The following HIVEP1 variants were observed in gnomAD, a reference collection of about 807,000 sequenced individuals.
HIVEP1 encodes the protein HIVEP zinc finger 1.
In HIVEP1, 36 loss-of-function variants were observed where a neutral mutation model predicts 180.0. That is an observed-to-expected ratio of 0.20 (90% confidence interval 0.15 to 0.26). The LOEUF (loss-of-function observed/expected upper bound fraction) is 0.26. Among genes scored for constraint, HIVEP1 ranks in the 10% least tolerant of loss-of-function variants. The pLI is 1.00. For synonymous variants in HIVEP1, 1,239 were observed against 1,239.0 expected, an observed-to-expected ratio of 1.00 and a Z score of 0.00; for missense variants, 3,143 against 3,268.7, an observed-to-expected ratio of 0.96 and a Z score of 0.94.
chr6:12,079,293 T>A (rs1365570543), intron 2 of HIVEP1, among the ~76,000 whole-genome samples: 3 of 152,192 alleles, frequency 2.0e-5, no homozygotes, highest in African/African-American at 4.8e-5. Context: ...AGCATTAAAT[T>A]TTCAGCTGGG....
chr6:12,140,869 T>C (rs529491988), intron 7 of HIVEP1, among the ~76,000 whole-genome samples: 1 of 152,166 alleles, frequency 6.6e-6, no homozygotes, highest in East Asian at 1.9e-4. Context: ...TGGGACTATG[T>C]GAAAAAACCA....
At chr6:12,029,356 C>T (rs369047259) in intron 2 of HIVEP1, among the ~76,000 whole-genome samples, 2 of 152,166 alleles carry the variant, frequency 1.3e-5, no homozygotes, top group Admixed American at 1.3e-4. Context: ...TTGTGGACAG[C>T]GTGTTGCCGC....
At chr6:12,190,324 C>T in the HIVEP1 span, among the ~76,000 whole-genome samples, 2 of 152,256 alleles carry the variant, frequency 1.3e-5, no homozygotes, top group Admixed American at 6.5e-5. Flanking sequence ...AGTGGCTTTC[C>T]GTTGAATCCA....
intron 2 of HIVEP1, among the ~76,000 whole-genome samples, chr6:12,022,327 C>A (rs1353875445): frequency 6.6e-6 from 1 of 152,060 alleles, no homozygotes; most frequent in East Asian, 1.9e-4. Context: ...CCTGCCACCG[C>A]ACCCAGCTAA....
chr6:12,201,329 T>C, the HIVEP1 span, among the ~76,000 whole-genome samples: 1 of 151,906 alleles, frequency 6.6e-6, no homozygotes, highest in Non-Finnish European at 1.5e-5. Context: ...ATGCAAAAAT[T>C]AGCTAGATGT....
Position 12,164,360 on chromosome 6 carries a change from C to G in HIVEP1, c.8056C>G (p.Gln2686Glu). The G allele has an allele frequency of 6.2e-7, 1 of 1,614,120 alleles. No individual in the cohort carries two copies. The highest frequency in any genetic ancestry group is 8.5e-7 in the Non-Finnish European group (1 of 1,180,014). ...CCAGCAGACTCTCTCTCCAGACAGA[C>G]AGGTTCCCAGGCCCACAGCACTACC... Reference protein sequence around the residue: ...SGQQTLSPDRQVPRPTALPRR... With the variant: ...SGQQTLSPDREVPRPTALPRR... Residue 2686 changes from glutamine to glutamate, a missense_variant, in exon 9 of 9, where the codon CAG becomes GAG. Transcript: ENST00000379388.
At chr6:12,100,055 C>T (rs1478275946) in intron 3 of HIVEP1, among the ~76,000 whole-genome samples, 1 of 152,182 alleles carries the variant, frequency 6.6e-6, no homozygotes, top group African/African-American at 2.4e-5. Flanking sequence ...GATATCATAA[C>T]ATCTTTGTAA....
At chr6:12,051,740 G>T (rs1770556899) in intron 2 of HIVEP1, among the ~76,000 whole-genome samples, 1 of 151,586 alleles carries the variant, frequency 6.6e-6, no homozygotes, top group Admixed American at 6.6e-5. Flanking sequence ...TTATTAGGTG[G>T]GCTGAAGTTT....
At chr6:12,112,881 T>TC (rs1022758180) in intron 3 of HIVEP1, among the ~76,000 whole-genome samples, 6 of 152,236 alleles carry the variant, frequency 3.9e-5, no homozygotes, top group African/African-American at 1.4e-4. Flanking sequence ...GTTTCCTGCC[T>TC]CCCCTGGGGT....
At chr6:12,148,653 A>T (rs1037965292) in intron 7 of HIVEP1, among the ~76,000 whole-genome samples, 7 of 152,128 alleles carry the variant, frequency 4.6e-5, no homozygotes, top group Admixed American at 4.6e-4. Flanking sequence ...CCACACCGGG[A>T]TTTCATTTGC....
intron 2 of HIVEP1, among the ~76,000 whole-genome samples, chr6:12,044,280 T>C (rs1391526513): frequency 6.6e-6 from 1 of 152,208 alleles, no homozygotes; most frequent in African/African-American, 2.4e-5. Context: ...TTATGGACTT[T>C]TATGGACTGG....
In HIVEP1 at chr6:12,015,470, G is replaced by A. The variant is rs1337360949; in HGVS notation, c.-103-56G>A. On this transcript the variant is annotated intron_variant, in intron 1 of 8. Transcript: ENST00000379388. ...GCTCTGCTAGGCAGTAACTTTTAAA[G>A]TATCTTTCTCCTCTGAAGGTAGTAA... is the stretch of plus-strand genomic sequence containing the variant. The A allele has an allele frequency of 2.9e-5, 18 of 618,890 alleles. No homozygotes were observed. In the Admixed American group the frequency reaches 3.4e-4, roughly 12 times the overall value. 38.3% of individuals were successfully genotyped at this position (618,890 alleles called of 1,614,324 possible).
In HIVEP1 at chr6:12,034,994, G is replaced by A. The variant is rs1450443344; in HGVS notation, c.40+19326G>A. On this transcript the variant is annotated intron_variant, in intron 2 of 8. Transcript: ENST00000379388. ...GTTAGAATTGGGAAAAATACCATTT[G>A]TGTAAATCAAGCGCTTGGTACCAGA... Among the ~76,000 whole-genome samples the A allele has an allele frequency of 3.3e-5, 5 of 152,222 alleles. No homozygotes were observed. In the East Asian group the frequency reaches 9.6e-4, roughly 29 times the overall value.
chr6:12,121,916 C>G lies in HIVEP1; in HGVS notation c.2121C>G (p.Asn707Lys). 1 of 1,614,138 alleles carries G rather than the reference C, an allele frequency of 6.2e-7. No individual in the cohort carries two copies. Among genetic ancestry groups the G allele is most frequent in the African/African-American group, 1.3e-5 (1 of 75,060 alleles). ...CAGAACAAGACTCTGGAAGGAGTAACGGACCCTCTGCAGCTCTTGTCACCA... is the reference window on the plus strand; with the variant it reads ...CAGAACAAGACTCTGGAAGGAGTAAGGGACCCTCTGCAGCTCTTGTCACCA... The part of the protein sequence containing the change: ...PSTEQDSGRS[N>K]GPSAALVTTS... Residue 707 changes from asparagine to lysine, a missense_variant, in exon 4 of 9, where the codon AAC becomes AAG. Transcript: ENST00000379388. This position sits in a 1 kb window ranked among gnomAD's most constrained non-coding sequence, Gnocchi z 5.3.
chr6:12,082,478 G>T (rs17608874), intron 2 of HIVEP1, among the ~76,000 whole-genome samples: 2 of 151,878 alleles, frequency 1.3e-5, no homozygotes, highest in Non-Finnish European at 2.9e-5. Flanking sequence ...TAAAAGATAG[G>T]GTTTTCTAAG....
chr6:12,125,939 T>A, intron 4 of HIVEP1, 69 bp downstream of exon 4: 1 of 835,568 alleles, frequency 1.2e-6, no homozygotes, highest in Non-Finnish European at 1.9e-6. Context: ...TTGATACCTT[T>A]AAATATTTTA....
chr6:12,149,635 T>C (rs1759583447), intron 7 of HIVEP1, among the ~76,000 whole-genome samples: 1 of 152,236 alleles, frequency 6.6e-6, no homozygotes, highest in Admixed American at 6.5e-5. Flanking sequence ...GTTGCTCCCT[T>C]ACATGTGCAT....
chr6:12,088,248 C>T (rs1773230471), intron 2 of HIVEP1, among the ~76,000 whole-genome samples: 1 of 152,044 alleles, frequency 6.6e-6, no homozygotes. Context: ...AACTTCTGAG[C>T]TGATGCGTTT....
intron 3 of HIVEP1, among the ~76,000 whole-genome samples, chr6:12,097,699 T>G (rs766844148): frequency 2.0e-5 from 3 of 152,130 alleles, no homozygotes; most frequent in East Asian, 1.9e-4. Context: ...TGTCAATATT[T>G]TGAGAAATTT....
Sources: gnomAD v4.1 joint callset for allele counts (sites outside exome capture counted in the v4.1 genomes callset) on GRCh38, gnomAD v4.1.1 for gene constraint, Gnocchi (gnomAD v3.1) non-coding constraint, MANE v1.5 for transcripts, NCBI Gene and HGNC (gene_info 2026-07-23, HGNC 2026-07-21) for gene names.